SBF2: variants seen among roughly 807,000 people sequenced by gnomAD.
SBF2 encodes myotubularin-related protein 13.
A neutral mutation model predicts 225.2 loss-of-function variants in SBF2; 112 were observed. That is an observed-to-expected ratio of 0.50 (90% CI 0.43 to 0.58). SBF2 has a LOEUF of 0.58. Among genes scored for constraint, SBF2 ranks in the 20% least tolerant of loss-of-function variants. The pLI, the probability that SBF2 is intolerant of heterozygous loss-of-function variation, is 0.00. For synonymous variants in SBF2, 763 were observed against 773.3 expected (o/e 0.99, Z 0.22); for missense variants, 1,996 against 2,206.2 (o/e 0.90, Z 1.91).
chr11:10,081,567 T>C (rs1434757226), intron 2 of SBF2, among the ~76,000 whole-genome samples: 2 of 152,076 alleles, frequency 1.3e-5, no homozygotes, highest in Non-Finnish European at 2.9e-5. Flanking sequence ...GAGACCATCC[T>C]GGCTAACATG....
In SBF2 at chr11:9,788,685, C is replaced by T. The variant is rs192016120; in HGVS notation, c.4932+424G>A. ...TCTCTGCTCCCTGCAAGCTCCGCCT[C>T]GCAGGTTCATGCCATTCTCCTGCCT... On this transcript the variant is annotated intron_variant, in intron 35 of 39. Transcript: ENST00000256190. Among the ~76,000 whole-genome samples the T allele has an allele frequency of 2.1e-3, 312 of 151,198 alleles. 1 individual carries two copies. The highest frequency in any genetic ancestry group is 7.1e-3 in the African/African-American group (292 of 41,070).
At chr11:10,224,869 C>T (rs1360821229) in intron 1 of SBF2, among the ~76,000 whole-genome samples, 1 of 152,166 alleles carries the variant, frequency 6.6e-6, no homozygotes, top group East Asian at 1.9e-4. Context: ...AGGCCTACAG[C>T]TCCATGAGAA....
chr11:9,784,990 C>T, intron 37 of SBF2, 135 bp downstream of exon 37: 2 of 831,088 alleles, frequency 2.4e-6, no homozygotes, highest in Admixed American at 2.2e-5. Context: ...TAAAACATTA[C>T]AAAAATTAAA....
At chr11:9,792,966 G>A (rs1852855565) in intron 33 of SBF2, among the ~76,000 whole-genome samples, 1 of 145,690 alleles carries the variant, frequency 6.9e-6, no homozygotes, top group Non-Finnish European at 1.5e-5. Flanking sequence ...TTGTAGAGAT[G>A]GGGTTTTGTC....
intron 2 of SBF2, among the ~76,000 whole-genome samples, chr11:10,102,190 T>C (rs1952337153): frequency 6.6e-6 from 1 of 152,230 alleles, no homozygotes; most frequent in Non-Finnish European, 1.5e-5. Flanking sequence ...CTTTGACTTT[T>C]GAAAATTGTT....
rs1953761653 is a variant in SBF2 at position 10,126,444 on chromosome 11, G to C, written c.141+67458C>G. Among the ~76,000 whole-genome samples the C allele has an allele frequency of 2.0e-5, 3 of 152,196 alleles. No individual in the cohort carries two copies. In the South Asian group the frequency reaches 6.2e-4, roughly 32 times the overall value. ...AATGGTCAATGTGTTGACAGATCAA[G>C]AAGGAAAGAGGAAGGCAAAGGGAAC... On this transcript the variant is annotated intron_variant, in intron 2 of 39. Transcript: ENST00000256190.
At chr11:10,174,101 C>A (rs372968600) in intron 2 of SBF2, among the ~76,000 whole-genome samples, 1 of 151,722 alleles carries the variant, frequency 6.6e-6, no homozygotes, top group Non-Finnish European at 1.5e-5. Flanking sequence ...AAAAGCAGAG[C>A]GCCTCTCCTC....
At chr11:10,197,929 C>T (rs1957435582) in intron 1 of SBF2, among the ~76,000 whole-genome samples, 1 of 152,224 alleles carries the variant, frequency 6.6e-6, no homozygotes, top group African/African-American at 2.4e-5. Flanking sequence ...CATCTTCAGG[C>T]TCCACTTCTA....
intron 16 of SBF2, among the ~76,000 whole-genome samples, chr11:9,902,804 T>C (rs765283574): frequency 1.4e-4 from 21 of 152,322 alleles, no homozygotes; most frequent in African/African-American, 3.4e-4. Flanking sequence ...CATGGTAGCA[T>C]AGACTTTCTA....
At chr11:9,871,101 A>T (rs1858695171) in intron 17 of SBF2, among the ~76,000 whole-genome samples, 1 of 152,178 alleles carries the variant, frequency 6.6e-6, no homozygotes, top group Non-Finnish European at 1.5e-5. Context: ...AGATTTCATA[A>T]TGAAAGCACC....
intron 14 of SBF2, among the ~76,000 whole-genome samples, chr11:9,965,297 C>CTTTTTTTTTTTTT (rs34056394): frequency 7.8e-6 from 1 of 128,852 alleles, no homozygotes; most frequent in Non-Finnish European, 1.6e-5. Flanking sequence ...ATGTTTTAAA[C>CTTTTTTTTTTTTT]TTTTTTTTTT....
chr11:9,929,753 C>G (rs1864346035), intron 16 of SBF2, among the ~76,000 whole-genome samples: 1 of 152,164 alleles, frequency 6.6e-6, no homozygotes, highest in South Asian at 2.1e-4. Context: ...CTTCAAGCAT[C>G]TCAACAACTT....
At chr11:10,099,460 G>T (rs1343963139) in intron 2 of SBF2, among the ~76,000 whole-genome samples, 1 of 152,120 alleles carries the variant, frequency 6.6e-6, no homozygotes, top group Non-Finnish European at 1.5e-5. Context: ...AATGCTAAAG[G>T]GGGTTCTTTA....
intron 2 of SBF2, among the ~76,000 whole-genome samples, chr11:10,173,257 T>C (rs1437635774): frequency 6.6e-6 from 1 of 152,172 alleles, no homozygotes; most frequent in African/African-American, 2.4e-5. Context: ...ACCGGGTTCA[T>C]CTCACTAGGG....
intron 1 of SBF2, among the ~76,000 whole-genome samples, chr11:10,269,158 A>C (rs1052244493): frequency 4.6e-5 from 7 of 152,198 alleles, no homozygotes; most frequent in African/African-American, 1.7e-4. Flanking sequence ...AACAGCTGGA[A>C]CCAGAAGTTT....
chr11:10,212,965 C>T (rs377760776), intron 1 of SBF2, among the ~76,000 whole-genome samples: 12 of 152,018 alleles, frequency 7.9e-5, no homozygotes, highest in African/African-American at 2.9e-4. Context: ...AGGAGAATCG[C>T]TTGAACCCGG....
chr11:9,786,274 G>T (rs542335250), intron 36 of SBF2, among the ~76,000 whole-genome samples: 13 of 152,126 alleles, frequency 8.5e-5, no homozygotes, highest in Admixed American at 7.8e-4. Context: ...AATTTATAAG[G>T]GTAAAACAAG....
intron 1 of SBF2, among the ~76,000 whole-genome samples, chr11:10,272,803 G>C (rs1962617475): frequency 6.6e-6 from 1 of 151,550 alleles, no homozygotes; most frequent in Non-Finnish European, 1.5e-5. Flanking sequence ...GGGCGCGGTG[G>C]CTCCCGCCTG....
At chr11:10,174,627 C>A (rs1327976363) in intron 2 of SBF2, among the ~76,000 whole-genome samples, 2 of 152,214 alleles carry the variant, frequency 1.3e-5, no homozygotes, top group South Asian at 4.1e-4. Context: ...TGTAGCAAGG[C>A]AGGCCAACAT....
Sources: gnomAD v4.1 joint callset for allele counts (sites outside exome capture counted in the v4.1 genomes callset) on GRCh38, gnomAD v4.1.1 for gene constraint, MANE v1.5 for transcripts, NCBI Gene and HGNC (gene_info 2026-07-23, HGNC 2026-07-21) for gene names.